Variants in SLC26A4 observed in about 807,000 individuals in gnomAD.
SLC26A4 encodes the protein pendrin.
In SLC26A4, 93 loss-of-function variants were observed where a neutral mutation model predicts 90.4. That is an observed-to-expected ratio of 1.03 (90% CI 0.87 to 1.22). The LOEUF is 1.22. Among genes scored for constraint, SLC26A4 ranks in the 50% most tolerant of loss-of-function variants. SLC26A4 has a pLI of 0.00. For missense variants in SLC26A4, 1,127 were observed against 946.2 expected, an observed-to-expected ratio of 1.19 and a Z score of -2.51; for synonymous variants, 393 against 354.6, an observed-to-expected ratio of 1.11 and a Z score of -1.22.
chr7:107,704,937 C>A (rs953397193), intron 18 of SLC26A4, among the ~76,000 whole-genome samples: 1 of 152,174 alleles, frequency 6.6e-6, no homozygotes. Context: ...TGTCTGTTGT[C>A]GTCTAGTGCG....
intron 3 of SLC26A4, among the ~76,000 whole-genome samples, chr7:107,667,799 G>C (rs1394414137): frequency 6.6e-6 from 1 of 152,126 alleles, no homozygotes; most frequent in Admixed American, 6.6e-5. Context: ...AAAGGCAGGA[G>C]GGATATTTCT....
At chr7:107,686,130 C>A (rs1249460031) in intron 8 of SLC26A4, among the ~76,000 whole-genome samples, 1 of 150,746 alleles carries the variant, frequency 6.6e-6, no homozygotes, top group Non-Finnish European at 1.5e-5. Context: ...TGTGTATAAA[C>A]CCATAACAAG....
In SLC26A4 at chr7:107,681,081, T is replaced by C. The variant is rs533376512; in HGVS notation, c.766-2121T>C. Reference sequence around the variant, plus strand: ...TCTGCTGGTGGTAGTTATCCCATTTTCTTTTTCACTCTGCTGTCCCTGGCA... The same window carrying C: ...TCTGCTGGTGGTAGTTATCCCATTTCCTTTTTCACTCTGCTGTCCCTGGCA... On this transcript the variant is annotated intron_variant, in intron 6 of 20. Transcript: ENST00000644269. Among the ~76,000 whole-genome samples the C allele has an allele frequency of 3.9e-5, 6 of 152,332 alleles. No homozygotes were observed. In the East Asian group the frequency reaches 1.2e-3, roughly 29 times the overall value.
In SLC26A4 at chr7:107,661,525, G is replaced by T; in HGVS notation, c.-3-114G>T. On this transcript the variant is annotated intron_variant, in intron 1 of 20. Transcript: ENST00000644269. The surrounding 1 kb of genome is among the most constrained non-coding windows in gnomAD (Gnocchi z 5.1). ...GGACGCGGACCAGACTCGCGGTGCA[G>T]GGGGGCCTGGCTGCAGCTAACAGGT... 8.4e-7 allele frequency: 1 copy of T among 1,188,000 alleles called. No homozygotes were observed. The highest frequency in any genetic ancestry group is 1.5e-5 in the African/African-American group (1 of 66,244). 73.6% of individuals were successfully genotyped at this position (1,188,000 alleles called of 1,614,324 possible).
rs183417652 is a variant in SLC26A4, at chr7:107,685,377, A to C, written c.1001+1840A>C. Among the ~76,000 whole-genome samples the C allele has an allele frequency of 4.7e-4, 72 of 152,288 alleles. 1 individual carries two copies. The highest frequency in any genetic ancestry group is 3.4e-3 in the Admixed American group (52 of 15,294). On this transcript the variant is annotated intron_variant, in intron 8 of 20. Transcript: ENST00000644269. ...ATTGGAAAAAAGCAAGCAGAGTTTTAAAGTGGCCCTGAGGTGAGCACAGTG... is the reference window on the plus strand; with the variant it reads ...ATTGGAAAAAAGCAAGCAGAGTTTTCAAGTGGCCCTGAGGTGAGCACAGTG...
At position 107,661,572 on chromosome 7, in the gene SLC26A4, C is replaced by G; in HGVS notation, c.-3-67C>G. 2 of 1,484,380 alleles carry G rather than the reference C, an allele frequency of 1.3e-6. No homozygotes were observed. Among genetic ancestry groups the G allele is most frequent in the Non-Finnish European group, 1.8e-6 (2 of 1,099,792 alleles). 92.0% of individuals were successfully genotyped at this position (1,484,380 alleles called of 1,614,324 possible). A position where few individuals can be genotyped will look rare whatever the true frequency, so the allele number is the denominator to read the frequency against. On this transcript the variant is annotated intron_variant, in intron 1 of 20. Coordinates refer to ENST00000644269, the MANE Select transcript of SLC26A4 (RefSeq NM_000441.2). This position sits in a 1 kb window ranked among gnomAD's most constrained non-coding sequence, Gnocchi z 5.1. ...AGGTGATCCCGTTCTTTCTGTTCCT[C>G]GCTCTTCCCCTCCGATCGTCCTCGC...
Position 107,661,484 on chromosome 7 carries a change from AGCGCCG to A in SLC26A4, c.-3-154_-3-149del. The stretch of plus-strand genomic sequence containing the variant: ...TGCGCGCCGTGGGGCGCTTGTCGCG[AGCGCCG>A]AGGGCTGCAGGACGCGGACCAGACT... On this transcript the variant is annotated intron_variant, in intron 1 of 20. Coordinates refer to ENST00000644269, the MANE Select transcript of SLC26A4 (RefSeq NM_000441.2). The surrounding 1 kb of genome is among the most constrained non-coding windows in gnomAD (Gnocchi z 5.1). 1.2e-6 allele frequency: 1 copy of A among 848,672 alleles called. No homozygotes were observed. Among genetic ancestry groups the A allele is most frequent in the East Asian group, 2.7e-5 (1 of 37,210 alleles). The allele number at this position is 848,672 out of a possible 1,614,324, so 52.6% of individuals were successfully genotyped here.
chr7:107,710,182 G>A lies in SLC26A4; in HGVS notation c.2218G>A (p.Gly740Ser), dbSNP rs17154353. Reference sequence around the variant, plus strand: ...CCAAGTGAAATCTCAAGAGGGTCAAGGTTCCATTTTAGAAACGGTAAATAT... The same window carrying A: ...CCAAGTGAAATCTCAAGAGGGTCAAAGTTCCATTTTAGAAACGGTAAATAT... ...QNQVKSQEGQ[G>S]SILETITLIQ... Residue 740 changes from glycine to serine, a missense_variant, in exon 19 of 21, where the codon GGT (glycine) becomes AGT (serine). By Grantham distance (56) the Gly-to-Ser change is moderately conservative. Transcript: ENST00000644269. The A allele has an allele frequency of 2.7e-3, 4,376 of 1,604,892 alleles. 83 individuals are homozygous for A. The African/African-American group carries it at 0.05, about 18-fold the overall frequency.
Position 107,698,158 on chromosome 7 carries a change from G to C in SLC26A4, c.1614+47G>C, listed in dbSNP as rs1479057956. The C allele has an allele frequency of 2.2e-5, 27 of 1,239,006 alleles. No individual in the cohort carries two copies. In the South Asian group the frequency reaches 3.2e-4, roughly 15 times the overall value. The allele number at this position is 1,239,006 out of a possible 1,614,324, so 76.8% of individuals were successfully genotyped here. ...TTGCTGGACTTGGGTTTACTAGCCTGAAGTTTCAGCAGCTCCATTTTACGT... is the reference window on the plus strand; with the variant it reads ...TTGCTGGACTTGGGTTTACTAGCCTCAAGTTTCAGCAGCTCCATTTTACGT... On this transcript the variant is annotated intron_variant, in intron 14 of 20. Coordinates refer to ENST00000644269, the MANE Select transcript of SLC26A4 (RefSeq NM_000441.2).
intron 18 of SLC26A4, among the ~76,000 whole-genome samples, chr7:107,707,145 A>T (rs1229767117): frequency 6.6e-6 from 1 of 151,966 alleles, no homozygotes; most frequent in African/African-American, 2.4e-5. Flanking sequence ...TCAAAAAATA[A>T]AAAAAAAGTA....
At chr7:107,710,575 T>A (rs1414309959) in intron 19 of SLC26A4, among the ~76,000 whole-genome samples, 1 of 152,202 alleles carries the variant, frequency 6.6e-6, no homozygotes, top group Non-Finnish European at 1.5e-5. Flanking sequence ...TGGAAAACCT[T>A]GAATTATAAA....
At chr7:107,713,240 A>T (rs1043411770) in intron 20 of SLC26A4, among the ~76,000 whole-genome samples, 1 of 152,230 alleles carries the variant, frequency 6.6e-6, no homozygotes, top group Non-Finnish European at 1.5e-5. Flanking sequence ...AAGTAGTCTA[A>T]CATTCTAGCC....
chr7:107,691,108 TACACACACAC>T (rs113420862), intron 10 of SLC26A4, among the ~76,000 whole-genome samples: 3 of 141,520 alleles, frequency 2.1e-5, no homozygotes, highest in Non-Finnish European at 3.1e-5. Flanking sequence ...CATAGTGCAA[TACACACACAC>T]ACACACACAC....
chr7:107,699,080 C>T (rs1165436991), intron 14 of SLC26A4, among the ~76,000 whole-genome samples: 5 of 152,136 alleles, frequency 3.3e-5, no homozygotes, highest in Non-Finnish European at 7.4e-5. Flanking sequence ...GTAGCTGCTA[C>T]TTAATTTATT....
intron 19 of SLC26A4, 21 bp from the exon 20 acceptor site, chr7:107,712,518 C>T (rs1207826365): frequency 2.4e-6 from 3 of 1,267,116 alleles, no homozygotes; most frequent in Admixed American, 1.7e-5. Context: ...TCTATTTCTA[C>T]CCTGTGTTCT....
chr7:107,672,814 T>G (rs992671548), intron 4 of SLC26A4, among the ~76,000 whole-genome samples: 1 of 152,252 alleles, frequency 6.6e-6, no homozygotes, highest in African/African-American at 2.4e-5. Context: ...TAATAAGTTT[T>G]CCTGCTATTC....
At chr7:107,707,894 A>G (rs1353145213) in intron 18 of SLC26A4, among the ~76,000 whole-genome samples, 1 of 152,212 alleles carries the variant, frequency 6.6e-6, no homozygotes, top group Non-Finnish European at 1.5e-5. Context: ...GAAGTTTGTC[A>G]AATACCAAAG....
intron 10 of SLC26A4, among the ~76,000 whole-genome samples, chr7:107,694,168 T>C (rs1791663701): frequency 6.6e-6 from 1 of 152,200 alleles, no homozygotes; most frequent in African/African-American, 2.4e-5. Context: ...TTTCATAGGA[T>C]CAGTCCCCAT....
At chr7:107,698,812 C>T (rs533546647) in intron 14 of SLC26A4, among the ~76,000 whole-genome samples, 27 of 151,888 alleles carry the variant, frequency 1.8e-4, no homozygotes, top group South Asian at 6.2e-4. Context: ...TTTGCTTTAT[C>T]CTTGGTATTA....
Sources: gnomAD v4.1 joint callset for allele counts (sites outside exome capture counted in the v4.1 genomes callset) on GRCh38, gnomAD v4.1.1 for gene constraint, Gnocchi (gnomAD v3.1) non-coding constraint, MANE v1.5 for transcripts, NCBI Gene and HGNC (gene_info 2026-07-23, HGNC 2026-07-21) for gene names.